Variants in FTO observed in about 807,000 individuals in gnomAD.
FTO encodes the protein alpha-ketoglutarate-dependent dioxygenase FTO.
Under a neutral mutation model 63.9 loss-of-function variants are expected in FTO, and 47 were observed. That is an observed-to-expected ratio of 0.74 (90% CI 0.58 to 0.94). The LOEUF (loss-of-function observed/expected upper bound fraction) is 0.94, where lower values mean the gene tolerates loss of function less well. Ranked by LOEUF, FTO falls within the 40% of genes least tolerant of loss-of-function variation. The probability of loss-of-function intolerance (pLI) is 0.00; values close to 1 mark genes in which losing one functional copy is unlikely to be tolerated. For missense variants in FTO, 562 were observed against 618.1 expected, an observed-to-expected ratio of 0.91 and a Z score of 0.96; for synonymous variants, 207 against 224.4, an observed-to-expected ratio of 0.92 and a Z score of 0.69.
At chr16:54,087,027 A>G (rs998432752) in intron 8 of FTO, among the ~76,000 whole-genome samples, 34 of 152,312 alleles carry the variant, frequency 2.2e-4, no homozygotes, top group African/African-American at 7.2e-4. Context: ...AGCTGAGTTA[A>G]AACTGAGAGC....
At chr16:53,852,052 T>C (rs931463537) in intron 4 of FTO, among the ~76,000 whole-genome samples, 1 of 145,768 alleles carries the variant, frequency 6.9e-6, no homozygotes, top group Non-Finnish European at 1.5e-5. Flanking sequence ...GCCCGGAAGT[T>C]TGAGTCCAGC....
chr16:53,766,356 G>A (rs1246879299), intron 1 of FTO, among the ~76,000 whole-genome samples: 1 of 152,128 alleles, frequency 6.6e-6, no homozygotes, highest in Non-Finnish European at 1.5e-5. Flanking sequence ...CTCCTGAGTA[G>A]CTGTGACTAC....
chr16:53,896,206 T>G (rs374282566), intron 7 of FTO, among the ~76,000 whole-genome samples: 54 of 152,306 alleles, frequency 3.5e-4, no homozygotes, highest in African/African-American at 1.3e-3. Context: ...TATCATAGCA[T>G]TTCAGATATG....
chr16:54,105,394 G>A (rs2086728542), intron 8 of FTO, among the ~76,000 whole-genome samples: 1 of 152,210 alleles, frequency 6.6e-6, no homozygotes, highest in Admixed American at 6.5e-5. Context: ...TCAATGGACA[G>A]GATCCATTTT....
chr16:54,000,647 G>A (rs1470054264), intron 8 of FTO, among the ~76,000 whole-genome samples: 4 of 152,188 alleles, frequency 2.6e-5, no homozygotes, highest in Non-Finnish European at 5.9e-5. Context: ...CTGAGACTAT[G>A]TAAATTAAAG....
At chr16:54,063,003 G>A (rs2085622483) in intron 8 of FTO, among the ~76,000 whole-genome samples, 1 of 152,222 alleles carries the variant, frequency 6.6e-6, no homozygotes, top group South Asian at 2.1e-4. Flanking sequence ...GGTGTGCGGG[G>A]AGGTTAACTT....
intron 8 of FTO, chr16:53,979,547 G>A (rs1010570675): frequency 2.5e-6 from 1 of 392,964 alleles, no homozygotes. Flanking sequence ...GTGTGTGTGT[G>A]TGTGTGTGTG....
chr16:54,031,356 G>C (rs142090714), intron 8 of FTO, among the ~76,000 whole-genome samples: 28 of 152,324 alleles, frequency 1.8e-4, no homozygotes, highest in Non-Finnish European at 3.5e-4. Context: ...CTCAGGACCA[G>C]CTAAGTGAGG....
intron 8 of FTO, among the ~76,000 whole-genome samples, chr16:53,934,385 C>G (rs1197902264): frequency 6.6e-6 from 1 of 152,138 alleles, no homozygotes; most frequent in Non-Finnish European, 1.5e-5. Flanking sequence ...AATATAAGTA[C>G]CTGATGCTGA....
intron 1 of FTO, among the ~76,000 whole-genome samples, chr16:53,743,915 A>T (rs2076586145): frequency 6.6e-6 from 1 of 152,054 alleles, no homozygotes. Context: ...TTGTTAATTC[A>T]TTATAGTTGT....
chr16:53,809,699 T>TA (rs1187555951), intron 1 of FTO, among the ~76,000 whole-genome samples: 3 of 152,164 alleles, frequency 2.0e-5, no homozygotes, highest in African/African-American at 7.2e-5. Flanking sequence ...CCCAGCACTG[T>TA]AGGAGGCCAA....
rs2082458365 is a variant in FTO, at chr16:53,938,971, G to T, written c.1364+4862G>T. On this transcript the variant is annotated intron_variant, in intron 8 of 8. Coordinates refer to ENST00000471389, the MANE Select transcript of FTO (RefSeq NM_001080432.3). The stretch of plus-strand genomic sequence containing the variant: ...AAATTAGCCGGGCTTGGTGGCGGGT[G>T]CCTGTAGTCCCAGCTACTCGGAAGG... 3.9e-5 allele frequency among the ~76,000 whole-genome samples: 6 copies of T among 152,072 alleles called. No homozygotes were observed. The South Asian group carries it at 1.3e-3, about 32-fold the overall frequency.
At chr16:54,000,186 T>C (rs932151599) in intron 8 of FTO, among the ~76,000 whole-genome samples, 2 of 152,216 alleles carry the variant, frequency 1.3e-5, no homozygotes, top group South Asian at 2.1e-4. Flanking sequence ...TGCAAACTTA[T>C]TTTGACTGAG....
chr16:54,022,905 T>C (rs1397166757), intron 8 of FTO, among the ~76,000 whole-genome samples: 1 of 152,248 alleles, frequency 6.6e-6, no homozygotes, highest in African/African-American at 2.4e-5. Context: ...TTGGTAACTT[T>C]CCGCTGTATA....
chr16:53,949,091 A>G lies in FTO; in HGVS notation c.1364+14982A>G, dbSNP rs545715256. On this transcript the variant is annotated intron_variant, in intron 8 of 8. Coordinates refer to ENST00000471389, the MANE Select transcript of FTO (RefSeq NM_001080432.3). ...TCATTGTCACCATAAAAAGGTGTCC[A>G]CAAAAATGTTGGCAGTTTTGAATTT... 3.9e-5 allele frequency among the ~76,000 whole-genome samples: 6 copies of G among 152,356 alleles called. No homozygotes were observed. The South Asian group carries it at 1.2e-3, about 32-fold the overall frequency.
chr16:54,055,806 A>G (rs1454928843), intron 8 of FTO, among the ~76,000 whole-genome samples: 3 of 152,252 alleles, frequency 2.0e-5, no homozygotes, highest in Non-Finnish European at 4.4e-5. Context: ...CATGGGCACA[A>G]TTCAGTCCCC....
intron 4 of FTO, among the ~76,000 whole-genome samples, chr16:53,864,758 G>A (rs1211008554): frequency 6.6e-6 from 1 of 152,054 alleles, no homozygotes; most frequent in African/African-American, 2.4e-5. Context: ...TTTAAAGCTG[G>A]GAGGGTCTTA....
chr16:53,727,395 G>A (rs965027235), intron 1 of FTO, among the ~76,000 whole-genome samples: 3 of 152,182 alleles, frequency 2.0e-5, no homozygotes, highest in Non-Finnish European at 2.9e-5. Flanking sequence ...ATGTGACTGC[G>A]AATGAAAGGG....
chr16:53,848,842 G>A (rs1182208439), intron 4 of FTO, among the ~76,000 whole-genome samples: 5 of 151,978 alleles, frequency 3.3e-5, no homozygotes, highest in Non-Finnish European at 7.4e-5. Flanking sequence ...GTAAACATTT[G>A]GGGCAAAAAC....
Sources: allele counts gnomAD v4.1 joint callset (sites outside exome capture counted in the v4.1 genomes callset), GRCh38; gene constraint gnomAD v4.1.1; transcripts MANE v1.5; gene names NCBI Gene and HGNC (gene_info 2026-07-23, HGNC 2026-07-21).